HSP90AA1: variants seen among roughly 807,000 people sequenced by gnomAD.
HSP90AA1 encodes the protein heat shock protein HSP 90-alpha.
Under a neutral mutation model 73.3 loss-of-function variants are expected in HSP90AA1, and 18 were observed. That is an observed-to-expected ratio of 0.25 (90% CI 0.17 to 0.36). The LOEUF (loss-of-function observed/expected upper bound fraction) is 0.36. Ranked by LOEUF, HSP90AA1 falls within the 10% of genes least tolerant of loss-of-function variation. The pLI is 1.00. For synonymous variants in HSP90AA1, 477 were observed against 296.9 expected (o/e 1.61, Z -6.24); for missense variants, 704 against 874.2 (o/e 0.81, Z 2.45).
intron 1 of HSP90AA1, among the ~76,000 whole-genome samples, chr14:102,104,924 C>G (rs556596006): frequency 6.6e-6 from 1 of 151,174 alleles, no homozygotes; most frequent in African/African-American, 2.4e-5. Context: ...CTTGGCTTGG[C>G]GCAGTGGCTC....
chr14:102,116,930 C>T (rs913732625), intron 1 of HSP90AA1, among the ~76,000 whole-genome samples: 3 of 152,270 alleles, frequency 2.0e-5, no homozygotes, highest in South Asian at 4.1e-4. Flanking sequence ...CATCTCTGCA[C>T]TCTGTGCCCT....
Position 102,086,269 on chromosome 14 carries a change from A to C in HSP90AA1, c.110T>G (p.Phe37Cys). The change falls in exon 2 of 11, where the codon TTC becomes TGC. Residue 37 changes from phenylalanine (F) to cysteine (C), a missense_variant. Physicochemically the swap from Phe to Cys is radical, Grantham distance 205 (BLOSUM62 -2). Transcript: ENST00000216281. ...CAGAAAGATCTCTTTGTTCGAGTAGAAAGTATTGATGATCAATGACATCAA... is the reference window on the plus strand; with the variant it reads ...CAGAAAGATCTCTTTGTTCGAGTAGCAAGTATTGATGATCAATGACATCAA... ...AQLMSLIINTFYSNKEIFLRE... is the reference protein window; with the variant it reads ...AQLMSLIINTCYSNKEIFLRE... 1 of 1,614,192 alleles carries C rather than the reference A, an allele frequency of 6.2e-7. No individual in the cohort carries two copies. The highest frequency in any genetic ancestry group is 8.5e-7 in the Non-Finnish European group (1 of 1,180,018).
At chr14:102,084,272 C>T in intron 6 of HSP90AA1, 127 bp downstream of exon 6, 2 of 869,544 alleles carry the variant, frequency 2.3e-6, no homozygotes, top group Non-Finnish European at 3.8e-6. Context: ...TCTTGAACTC[C>T]TGACCTCAAG....
At chr14:102,107,201 G>C (rs985056389) in intron 1 of HSP90AA1, among the ~76,000 whole-genome samples, 3 of 151,992 alleles carry the variant, frequency 2.0e-5, no homozygotes, top group Non-Finnish European at 2.9e-5. Flanking sequence ...TGGGGAGTCT[G>C]GAAGCAGTAG....
exon 1 of HSP90AA1, chr14:102,139,678 G>T (rs972165511): frequency 5.1e-5 from 34 of 660,860 alleles, no homozygotes; most frequent in Admixed American, 2.7e-4. Context: ...CCGCCCGGAG[G>T]CCACACCCGG....
At chr14:102,139,268 G>C in exon 1 of HSP90AA1, 1 of 1,614,116 alleles carries the variant, frequency 6.2e-7, no homozygotes, top group Non-Finnish European at 8.5e-7. Context: ...AAACGGCGGC[G>C]AGGAGGCTTC....
chr14:102,102,142 C>T (rs1052130446), intron 1 of HSP90AA1: 31 of 1,483,762 alleles, frequency 2.1e-5, no homozygotes, highest in African/African-American at 1.2e-4. Context: ...AGAGATAGGG[C>T]GGCAGAGGAT....
At chr14:102,127,447 C>G (rs1045755921) in intron 1 of HSP90AA1, among the ~76,000 whole-genome samples, 8 of 152,140 alleles carry the variant, frequency 5.3e-5, no homozygotes, top group African/African-American at 1.4e-4. Context: ...AGCCTTATGA[C>G]AGTTCTCTTA....
intron 1 of HSP90AA1, among the ~76,000 whole-genome samples, chr14:102,123,992 C>T (rs1289372539): frequency 6.6e-6 from 1 of 151,756 alleles, no homozygotes; most frequent in Non-Finnish European, 1.5e-5. Context: ...GAAGAGATGG[C>T]GCCTCCCTCT....
chr14:102,088,792 C>T (rs976152576), upstream of HSP90AA1, among the ~76,000 whole-genome samples: 2 of 152,218 alleles, frequency 1.3e-5, no homozygotes, highest in African/African-American at 4.8e-5. Context: ...GCCACTGTCC[C>T]CGCTCTCCTC....
chr14:102,082,540 C>T (rs1329641949), intron 9 of HSP90AA1, 96 bp from the exon 10 acceptor site: 3 of 864,308 alleles, frequency 3.5e-6, no homozygotes, highest in Non-Finnish European at 5.6e-6. Flanking sequence ...TCAATAGATC[C>T]AAAATACTAT....
At position 102,110,091 on chromosome 14, in the gene HSP90AA1, G is replaced by A. The variant is rs547288175; in HGVS notation, c.156-8006C>T. ...TGGGACTACAGGTGCCTGCCACCAC[G>A]CCTGGCTAATTTTTTGTATTTTTAG... is the stretch of plus-strand genomic sequence containing the variant. On this transcript the variant is annotated intron_variant, in intron 1 of 11. Transcript: ENST00000334701. Among the ~76,000 whole-genome samples, 5 of 151,984 alleles carry A rather than the reference G, an allele frequency of 3.3e-5. No homozygotes were observed. In the South Asian group the frequency reaches 8.3e-4, roughly 25 times the overall value.
chr14:102,120,229 T>A (rs1466717398), intron 1 of HSP90AA1, among the ~76,000 whole-genome samples: 1 of 151,990 alleles, frequency 6.6e-6, no homozygotes. Context: ...CATGGTGGCA[T>A]GTGCCTGTAA....
chr14:102,102,022 A>G (rs754813531), exon 2 of HSP90AA1: 1 of 1,614,150 alleles, frequency 6.2e-7, no homozygotes, highest in Non-Finnish European at 8.5e-7. Context: ...TGGTGGATCC[A>G]GACACCATCA....
chr14:102,099,643 A>G (rs1431536900), intron 2 of HSP90AA1, among the ~76,000 whole-genome samples: 1 of 152,236 alleles, frequency 6.6e-6, no homozygotes, highest in Non-Finnish European at 1.5e-5. Flanking sequence ...TAAAACAGCT[A>G]GCTAATTAAA....
rs1156483532 is a variant in HSP90AA1 at position 102,083,972 on chromosome 14, CT to C, written c.1158del (p.Val388TrpfsTer2). 1 of 1,613,596 alleles carries C rather than the reference CT, an allele frequency of 6.2e-7. No individual in the cohort carries two copies. ...ELIPEYLNFI[R>X]GVVDSEDLPL... is the part of the protein sequence containing the mutation. ...GGGAGATCCTCCGAGTCTACCACCC[CT>C]CTAATGAAGTCTGAAAAAAATATAA... is the stretch of plus-strand genomic sequence containing the variant. On this transcript the variant is annotated frameshift_variant, in exon 7 of 11. Coordinates refer to ENST00000216281, the MANE Select transcript of HSP90AA1 (RefSeq NM_005348.4). LOFTEE classifies it high-confidence loss of function.
At chr14:102,095,597 C>T (rs1467772245) in intron 2 of HSP90AA1, among the ~76,000 whole-genome samples, 2 of 152,176 alleles carry the variant, frequency 1.3e-5, no homozygotes, top group Non-Finnish European at 2.9e-5. Flanking sequence ...TTTGGGCATG[C>T]TCCTGTCTCC....
At chr14:102,096,505 C>T (rs569519034) in intron 2 of HSP90AA1, among the ~76,000 whole-genome samples, 10 of 152,332 alleles carry the variant, frequency 6.6e-5, no homozygotes, top group African/African-American at 1.2e-4. Flanking sequence ...GAACCTCTTG[C>T]GATGCCCTTC....
chr14:102,104,522 T>C (rs774413276), intron 1 of HSP90AA1, among the ~76,000 whole-genome samples: 1 of 152,132 alleles, frequency 6.6e-6, no homozygotes, highest in East Asian at 1.9e-4. Context: ...CTACACGTGA[T>C]ATTTTGATGC....
Sources: gnomAD v4.1 joint callset for allele counts (sites outside exome capture counted in the v4.1 genomes callset) on GRCh38, gnomAD v4.1.1 for gene constraint, MANE v1.5 for transcripts, NCBI Gene and HGNC (gene_info 2026-07-23, HGNC 2026-07-21) for gene names.